Variants in PCDHGA1 observed in about 807,000 individuals in gnomAD.
The protein encoded by PCDHGA1 is protocadherin gamma-A1.
A neutral mutation model predicts 58.0 loss-of-function variants in PCDHGA1; 32 were observed. That is an observed-to-expected ratio of 0.55 (90% CI 0.42 to 0.74). The LOEUF is 0.74. PCDHGA1 is among the 30% of genes least tolerant of loss of function. The pLI, the probability that PCDHGA1 is intolerant of heterozygous loss-of-function variation, is 0.00. For missense variants in PCDHGA1, 1,205 were observed against 1,182.3 expected (o/e 1.02, Z -0.28); for synonymous variants, 498 against 501.1 (o/e 0.99, Z 0.08).
chr5:141,497,957 A>G (rs2099780682), intron 2 of PCDHGA1, among the ~76,000 whole-genome samples: 1 of 152,242 alleles, frequency 6.6e-6, no homozygotes, highest in Non-Finnish European at 1.5e-5. Flanking sequence ...TCTGTTGGCC[A>G]GGCAGTGTTC....
intron 1 of PCDHGA1, chr5:141,355,662 TC>T: frequency 6.2e-7 from 1 of 1,613,996 alleles, no homozygotes; most frequent in Non-Finnish European, 8.5e-7. Context: ...GATTTCCTCT[TC>T]CTGAAGCTTT....
chr5:141,334,929 C>T lies in PCDHGA1; in HGVS notation c.2421+1824C>T, dbSNP rs1398220746. On this transcript the variant is annotated intron_variant, in intron 1 of 3. Coordinates refer to ENST00000517417, the MANE Select transcript of PCDHGA1 (RefSeq NM_018912.3). This position sits in a 1 kb window ranked among gnomAD's most constrained non-coding sequence, Gnocchi z 4.6. ...AAAACAAACTAAAACTAAAAACAAA[C>T]AGAGCTCTTCCACTAAAAATAAATA... Among the ~76,000 whole-genome samples, 2 of 152,158 alleles carry T rather than the reference C, an allele frequency of 1.3e-5. No homozygotes were observed. The highest frequency in any genetic ancestry group is 4.8e-5 in the African/African-American group (2 of 41,428).
chr5:141,355,264 G>T lies in PCDHGA1; in HGVS notation c.2421+22159G>T, dbSNP rs201894028. ...GCTCCAGATCTGCCTTCTCCTGGGG[G>T]TTCTGGTGGAAATCAGGGCCGAACA... On this transcript the variant is annotated intron_variant, in intron 1 of 3. Transcript: ENST00000517417. 3.3e-4 allele frequency: 530 copies of T among 1,613,600 alleles called. 1 individual carries two copies. In the African/African-American group the frequency reaches 5.9e-3, roughly 18 times the overall value.
chr5:141,389,942 G>C lies in PCDHGA1; in HGVS notation c.2421+56837G>C, dbSNP rs775707080. On this transcript the variant is annotated intron_variant, in intron 1 of 3. Coordinates refer to ENST00000517417, the MANE Select transcript of PCDHGA1 (RefSeq NM_018912.3). ...ACCCCTCTGACCTCCAGGCTGAGCT[G>C]CAGTTTTACCTAGTGGTGGCCTTGG... is the stretch of plus-strand genomic sequence containing the variant. The C allele has an allele frequency of 2.5e-6, 4 of 1,613,952 alleles. No individual in the cohort carries two copies. The African/African-American group carries it at 5.3e-5, about 22-fold the overall frequency.
intron 1 of PCDHGA1, chr5:141,420,396 A>C: frequency 8.0e-7 from 1 of 1,250,930 alleles, no homozygotes; most frequent in Non-Finnish European, 1.1e-6. Context: ...ATATAGGTCA[A>C]ATTTATGGTT....
At chr5:141,394,688 G>A (rs770742323) in intron 1 of PCDHGA1, 3 of 1,611,882 alleles carry the variant, frequency 1.9e-6, no homozygotes, top group Middle Eastern at 1.7e-4. Flanking sequence ...ACACGGGCGA[G>A]GTGCGCACGG....
chr5:141,392,692 C>T, intron 1 of PCDHGA1: 11 of 1,148,308 alleles, frequency 9.6e-6, no homozygotes, highest in Non-Finnish European at 1.3e-5. Flanking sequence ...CGAAACCCGA[C>T]CCCTGTTTGG....
intron 1 of PCDHGA1, chr5:141,374,529 C>G: frequency 6.2e-7 from 1 of 1,613,042 alleles, no homozygotes; most frequent in East Asian, 2.2e-5. Flanking sequence ...GCAGCTCCAT[C>G]CTCTCGTTTT....
chr5:141,398,683 C>A, intron 1 of PCDHGA1: 1 of 1,613,914 alleles, frequency 6.2e-7, no homozygotes, highest in Non-Finnish European at 8.5e-7. Flanking sequence ...TAAGGAGAAA[C>A]AGGATGGTAG....
rs755576652 is a variant in PCDHGA1 at position 141,410,511 on chromosome 5, G to A, written c.2421+77406G>A. 4.3e-6 allele frequency: 7 copies of A among 1,613,942 alleles called. No individual in the cohort carries two copies. In the Admixed American group the frequency reaches 8.3e-5, roughly 19 times the overall value. On this transcript the variant is annotated intron_variant, in intron 1 of 3. Transcript: ENST00000517417. ...AAAGAGTTTAATTTCCTAAAATGCA[G>A]TGTGCCCCTACATTCCAATGAAGAC... is the stretch of plus-strand genomic sequence containing the variant.
At chr5:141,400,637 C>T (rs1198861683) in intron 1 of PCDHGA1, 1 of 1,324,714 alleles carries the variant, frequency 7.5e-7, no homozygotes, top group Non-Finnish European at 1.1e-6. Flanking sequence ...GTCAGAGCTG[C>T]TCAGAAAGCT....
rs968865313 is a variant in PCDHGA1, at chr5:141,511,294, C to T, written c.*121C>T. 1 of 1,506,752 alleles carries T rather than the reference C, an allele frequency of 6.6e-7. No individual in the cohort carries two copies. Among genetic ancestry groups the T allele is most frequent in the Non-Finnish European group, 8.9e-7 (1 of 1,123,692 alleles). 93.3% of individuals were successfully genotyped at this position (1,506,752 alleles called of 1,614,324 possible). On this transcript the variant is annotated 3_prime_UTR_variant, in exon 4 of 4. Coordinates refer to ENST00000517417, the MANE Select transcript of PCDHGA1 (RefSeq NM_018912.3). ...CCCAGAATACTGGTAGGGGCCAAGG[C>T]CATGCTCCCCTTGGGAAACAGAAAC...
Position 141,491,307 on chromosome 5 carries a change from C to CCTTA in PCDHGA1, c.2422-3498_2422-3495dup. On this transcript the variant is annotated intron_variant, in intron 1 of 3. Transcript: ENST00000517417. The surrounding 1 kb of genome is among the most constrained non-coding windows in gnomAD (Gnocchi z 6.9). ...TCATACACCCTCCTGAGCGTTCAGA[C>CCTTA]CTTACCCTTTACCTCATTGTGGCTC... 1 of 1,614,152 alleles carries CCTTA rather than the reference C, an allele frequency of 6.2e-7. No individual in the cohort carries two copies. Among genetic ancestry groups the CCTTA allele is most frequent in the Non-Finnish European group, 8.5e-7 (1 of 1,179,986 alleles).
chr5:141,475,550 T>G (rs2099365082), intron 1 of PCDHGA1, among the ~76,000 whole-genome samples: 1 of 152,246 alleles, frequency 6.6e-6, no homozygotes, highest in Non-Finnish European at 1.5e-5. Flanking sequence ...AGGGTCCGGC[T>G]AATTGTCTGT....
chr5:141,384,530 G>A, intron 1 of PCDHGA1: 6 of 1,614,238 alleles, frequency 3.7e-6, no homozygotes, highest in Non-Finnish European at 5.1e-6. Flanking sequence ...CCTCTCAGCA[G>A]CAACATGTCA....
intron 3 of PCDHGA1, among the ~76,000 whole-genome samples, chr5:141,508,439 T>C (rs1037512760): frequency 1.3e-5 from 2 of 152,188 alleles, no homozygotes; most frequent in African/African-American, 4.8e-5. Flanking sequence ...ACACAGTTCC[T>C]TAGTGGCAGA....
rs1289419532 is a variant in PCDHGA1, at chr5:141,332,279, T to G, written c.1595T>G (p.Val532Gly). The stretch of plus-strand genomic sequence containing the variant: ...CAGTTCCGGGACATGCAACTGAAAG[T>G]GATGGCGCGGGACAGTGGGGATCCG... ...YEQFRDMQLKVMARDSGDPPL... is the reference protein window; with the variant it reads ...YEQFRDMQLKGMARDSGDPPL... The change falls in exon 1 of 4, where the codon GTG becomes GGG. Residue 532 changes from valine to glycine, a missense_variant. Val to Gly is a moderately radical substitution (Grantham distance 109). Transcript: ENST00000517417. The surrounding 1 kb of genome is among the most constrained non-coding windows in gnomAD (Gnocchi z 4.6). The G allele has an allele frequency of 2.5e-6, 4 of 1,614,192 alleles. No individual in the cohort carries two copies. The highest frequency in any genetic ancestry group is 3.4e-6 in the Non-Finnish European group (4 of 1,180,046).
chr5:141,377,979 G>T (rs887213407), intron 1 of PCDHGA1: 4 of 152,086 alleles, frequency 2.6e-5, no homozygotes, highest in Non-Finnish European at 5.9e-5. Context: ...ATGTTCCTGG[G>T]TTGCAATCCT....
At chr5:141,449,273 C>T (rs1168190907) in intron 1 of PCDHGA1, among the ~76,000 whole-genome samples, 1 of 151,982 alleles carries the variant, frequency 6.6e-6, no homozygotes, top group Non-Finnish European at 1.5e-5. Flanking sequence ...ACTGTATCTC[C>T]TTCACCCGGA....
Sources: gnomAD v4.1 joint callset for allele counts (sites outside exome capture counted in the v4.1 genomes callset) on GRCh38, gnomAD v4.1.1 for gene constraint, Gnocchi (gnomAD v3.1) non-coding constraint, MANE v1.5 for transcripts, NCBI Gene and HGNC (gene_info 2026-07-23, HGNC 2026-07-21) for gene names.